LPAR6: variants seen among roughly 807,000 people sequenced by gnomAD.
The protein encoded by LPAR6 is lysophosphatidic acid receptor 6.
A neutral mutation model predicts 22.0 loss-of-function variants in LPAR6; 17 were observed. The observed-to-expected ratio is 0.77, with a 90% CI of 0.53 to 1.16. The LOEUF (loss-of-function observed/expected upper bound fraction) is 1.16, where lower values mean the gene tolerates loss of function less well. Among genes scored for constraint, LPAR6 ranks in the 50% most tolerant of loss-of-function variants. LPAR6 has a pLI of 0.00. For synonymous variants in LPAR6, 136 were observed against 139.8 expected, an observed-to-expected ratio of 0.97 and a Z score of 0.19; for missense variants, 384 against 406.9, an observed-to-expected ratio of 0.94 and a Z score of 0.48.
intron 2 of LPAR6, among the ~76,000 whole-genome samples, chr13:48,419,939 A>G (rs2049390874): frequency 6.6e-6 from 1 of 152,374 alleles, no homozygotes; most frequent in Non-Finnish European, 1.5e-5. Context: ...ATGGATTCAC[A>G]GCTGAATTCT....
downstream of LPAR6, among the ~76,000 whole-genome samples, chr13:48,409,136 T>A (rs1043708540): frequency 4.6e-5 from 7 of 151,478 alleles, no homozygotes; most frequent in Non-Finnish European, 1.0e-4. Flanking sequence ...TTTTTTGGGT[T>A]TTTTTTCTTT....
upstream of LPAR6, chr13:48,417,227 G>A (rs1265389918): frequency 6.5e-6 from 1 of 153,188 alleles, no homozygotes; most frequent in African/African-American, 2.4e-5. Flanking sequence ...TCCAGAGGAA[G>A]GAACAGGCAG....
At chr13:48,423,585 G>C (rs771888395) in intron 1 of LPAR6, among the ~76,000 whole-genome samples, 1 of 152,100 alleles carries the variant, frequency 6.6e-6, no homozygotes, top group Non-Finnish European at 1.5e-5. Flanking sequence ...ATTGATCAAA[G>C]AGGAATCGAT....
At chr13:48,442,655 C>A (rs1184045595) in intron 1 of LPAR6, among the ~76,000 whole-genome samples, 1 of 152,128 alleles carries the variant, frequency 6.6e-6, no homozygotes, top group East Asian at 1.9e-4. Flanking sequence ...GTTAACACCT[C>A]ATTCAGATAA....
downstream of LPAR6, among the ~76,000 whole-genome samples, chr13:48,410,541 C>T (rs77377498): frequency 1.3e-3 from 202 of 152,214 alleles, no homozygotes; most frequent in African/African-American, 4.8e-3. Context: ...GATGTTTCTC[C>T]GACCTAACAT....
At chr13:48,397,801 G>T (rs1043959970) in intron 1 of LPAR6, among the ~76,000 whole-genome samples, 1 of 152,008 alleles carries the variant, frequency 6.6e-6, no homozygotes, top group South Asian at 2.1e-4. Flanking sequence ...AGCTTTTTTG[G>T]TATTCTTTTG....
intron 1 of LPAR6, among the ~76,000 whole-genome samples, chr13:48,423,359 C>T (rs1303064070): frequency 6.6e-6 from 1 of 152,018 alleles, no homozygotes; most frequent in Non-Finnish European, 1.5e-5. Flanking sequence ...ACTGCAACCT[C>T]CGCAGGTTGG....
chr13:48,423,570 A>C (rs962321743), intron 1 of LPAR6, among the ~76,000 whole-genome samples: 2 of 152,248 alleles, frequency 1.3e-5, no homozygotes, highest in Non-Finnish European at 2.9e-5. Flanking sequence ...TTCTTTTACT[A>C]TAAAATTGAT....
rs541114092 is a variant in LPAR6 at position 48,439,809 on chromosome 13, G to A, written c.-1474+4744C>T. The A allele has an allele frequency of 2.6e-5, 4 of 152,194 alleles. No individual in the cohort carries two copies. In the East Asian group the frequency reaches 7.7e-4, roughly 29 times the overall value. The allele number at this position is 152,194 out of a possible 1,614,324, so 9.4% of individuals were successfully genotyped here. A position where few individuals can be genotyped will look rare whatever the true frequency, so the allele number is the denominator to read the frequency against. ...GGAAGGTTTGAAAGAAGGCCTTTTT[G>A]AACCTAAGAAGACAAGAAATTGAAC... On this transcript the variant is annotated intron_variant, in intron 1 of 6. Transcript: ENST00000378434.
chr13:48,407,146 A>G (rs1410525167), downstream of LPAR6, among the ~76,000 whole-genome samples: 1 of 152,246 alleles, frequency 6.6e-6, no homozygotes, highest in Non-Finnish European at 1.5e-5. Context: ...TATACAACAC[A>G]TAATTGTTTC....
rs180908542 is a variant in LPAR6 at position 48,438,809 on chromosome 13, G to T, written c.-1474+5744C>A. On this transcript the variant is annotated intron_variant, in intron 1 of 6. Coordinates refer to the LPAR6 transcript ENST00000378434. ...GTCTGGCATTCAATAAATGTTATCT[G>T]TTAAGCTCTTTGAGGGTAGAATTAT... Among the ~76,000 whole-genome samples, 15 of 152,260 alleles carry T rather than the reference G, an allele frequency of 9.9e-5. No individual in the cohort carries two copies. In the East Asian group the frequency reaches 2.9e-3, roughly 29 times the overall value.
At chr13:48,396,390 ATGGGGAAAGGAT>A (rs1198166456) in intron 1 of LPAR6, among the ~76,000 whole-genome samples, 1 of 152,186 alleles carries the variant, frequency 6.6e-6, no homozygotes, top group Non-Finnish European at 1.5e-5. Context: ...AAAACAACCA[ATGGGGAAAGGAT>A]TCCCTATTTA....
chr13:48,415,183 T>A (rs898329510), upstream of LPAR6, among the ~76,000 whole-genome samples: 8 of 152,190 alleles, frequency 5.3e-5, no homozygotes, highest in Non-Finnish European at 1.0e-4. Context: ...TAAAATTTAT[T>A]AATTCTACTT....
chr13:48,436,445 C>A (rs1028218885), intron 1 of LPAR6, among the ~76,000 whole-genome samples: 10 of 152,136 alleles, frequency 6.6e-5, no homozygotes, highest in African/African-American at 2.2e-4. Flanking sequence ...AAGTTCGAGA[C>A]CAGCCTGGCC....
In LPAR6 at chr13:48,433,216, AT is replaced by A. The variant is rs929602854; in HGVS notation, c.-1473-9098del. Among the ~76,000 whole-genome samples the A allele has an allele frequency of 1.7e-4, 26 of 151,320 alleles. 1 individual carries two copies. The highest frequency in any genetic ancestry group is 5.8e-4 in the African/African-American group (24 of 41,196). ...TAGAAATAGATTCTTTTAGACGTTA[AT>A]TTTTTTTTCAAAAAGATACATATGT... is the stretch of plus-strand genomic sequence containing the variant. On this transcript the variant is annotated intron_variant, in intron 1 of 6. Coordinates refer to the LPAR6 transcript ENST00000378434.
At chr13:48,431,915 TTTATTGAGTGTAAC>T (rs1286514892) in intron 1 of LPAR6, among the ~76,000 whole-genome samples, 1 of 152,180 alleles carries the variant, frequency 6.6e-6, no homozygotes, top group Non-Finnish European at 1.5e-5. Flanking sequence ...TAGCAAAATA[TTTATTGAGTGTAAC>T]TGTGTACCAG....
intron 1 of LPAR6, among the ~76,000 whole-genome samples, chr13:48,441,537 G>C (rs1464667273): frequency 1.3e-5 from 2 of 152,076 alleles, no homozygotes; most frequent in Non-Finnish European, 2.9e-5. Flanking sequence ...AAGCTTTAAG[G>C]ATTATGAAAT....
chr13:48,419,613 A>C (rs1228558133), intron 2 of LPAR6, among the ~76,000 whole-genome samples: 1 of 152,178 alleles, frequency 6.6e-6, no homozygotes, highest in African/African-American at 2.4e-5. Context: ...TTTTTTGAAA[A>C]GATTAACAAA....
At chr13:48,395,104 A>C (rs1566204167) in intron 1 of LPAR6, among the ~76,000 whole-genome samples, 1 of 152,100 alleles carries the variant, frequency 6.6e-6, no homozygotes, top group Non-Finnish European at 1.5e-5. Flanking sequence ...CCAGGCAAAC[A>C]GGGTCTGGAG....
Sources: gnomAD v4.1 joint callset for allele counts (sites outside exome capture counted in the v4.1 genomes callset) on GRCh38, gnomAD v4.1.1 for gene constraint, MANE v1.5 for transcripts, NCBI Gene and HGNC (gene_info 2026-07-23, HGNC 2026-07-21) for gene names.